The following MYO1B variants were observed in gnomAD, a reference collection of about 807,000 sequenced individuals.
MYO1B encodes the protein unconventional myosin-Ib.
Under a neutral mutation model 159.7 loss-of-function variants are expected in MYO1B, and 72 were observed. The ratio of observed to expected loss-of-function variants is 0.45; its 90% CI spans 0.37 to 0.55. The LOEUF is 0.55. Ranked by LOEUF, MYO1B falls within the 20% of genes least tolerant of loss-of-function variation. MYO1B has a pLI of 0.00. For synonymous variants in MYO1B, 468 were observed against 473.8 expected, an observed-to-expected ratio of 0.99 and a Z score of 0.16; for missense variants, 1,062 against 1,364.8, an observed-to-expected ratio of 0.78 and a Z score of 3.50.
chr2:191,402,650 C>G lies in MYO1B; in HGVS notation c.2488C>G (p.Arg830Gly), dbSNP rs1350643656. The change falls in exon 24 of 31, where the codon CGC becomes GGC. Residue 830 changes from arginine to glycine, a missense_variant. By Grantham distance (125) the Arg-to-Gly change is moderately radical (BLOSUM62 -2). Coordinates refer to ENST00000392318, the MANE Select transcript of MYO1B (RefSeq NM_001130158.3). ...ATTCTAGGCTCGAAGGGAATTGAAACGCTTGAAGGAGGAGGCTAGGCGTAA... is the reference window on the plus strand; with the variant it reads ...ATTCTAGGCTCGAAGGGAATTGAAAGGCTTGAAGGAGGAGGCTAGGCGTAA... ...LGSKARRELK[R>G]LKEEARRKHA... 1.9e-6 allele frequency: 3 copies of G among 1,613,530 alleles called. No individual in the cohort carries two copies. The African/African-American group carries it at 4.0e-5, about 22-fold the overall frequency.
intron 7 of MYO1B, among the ~76,000 whole-genome samples, chr2:191,359,730 G>T (rs1693542704): frequency 6.6e-6 from 1 of 152,100 alleles, no homozygotes; most frequent in Non-Finnish European, 1.5e-5. Flanking sequence ...CCTGATTAGG[G>T]GGACGTGAAA....
In MYO1B at chr2:191,304,743, G is replaced by A. The variant is rs566396416; in HGVS notation, c.251+8517G>A. Among the ~76,000 whole-genome samples, 112 of 152,292 alleles carry A rather than the reference G, an allele frequency of 7.4e-4. 1 individual carries two copies. The highest frequency in any genetic ancestry group is 1.7e-3 in the Admixed American group (26 of 15,306). On this transcript the variant is annotated intron_variant, in intron 3 of 30. Transcript: ENST00000392318. ...TATCATGAAAATTGTTATGATATAA[G>A]AATACATTTATTAATTGAAAAGTGT...
At position 191,360,522 on chromosome 2, in the gene MYO1B, C is replaced by T. The variant is rs1246003181; in HGVS notation, c.563-109C>T. 2.7e-5 allele frequency: 18 copies of T among 655,286 alleles called. No homozygotes were observed. In the East Asian group the frequency reaches 4.8e-4, roughly 17 times the overall value. 40.6% of individuals were successfully genotyped at this position (655,286 alleles called of 1,614,324 possible). A position where few individuals can be genotyped will look rare whatever the true frequency, so the allele number is the denominator to read the frequency against. ...GAAAATACAGCTTCCTTTATTATTT[C>T]ATTTTATTACTGCAGAATAGAAAGA... On this transcript the variant is annotated intron_variant, in intron 7 of 30. Transcript: ENST00000392318.
At chr2:191,285,807 T>G (rs545933978) in intron 2 of MYO1B, among the ~76,000 whole-genome samples, 1 of 152,128 alleles carries the variant, frequency 6.6e-6, no homozygotes, top group Non-Finnish European at 1.5e-5. Flanking sequence ...AGAGGAAATC[T>G]TCACAAACTT....
At position 191,385,851 on chromosome 2, in the gene MYO1B, A is replaced by G. The variant is rs765667641; in HGVS notation, c.1354-33A>G. The G allele has an allele frequency of 1.9e-6, 3 of 1,605,742 alleles. No homozygotes were observed. The East Asian group carries it at 6.7e-5, about 36-fold the overall frequency. ...AATTATTAAAACAATATAGTGAGGAAGGAAGGAAACTTTTTTATTTCCGTT... is the reference window on the plus strand; with the variant it reads ...AATTATTAAAACAATATAGTGAGGAGGGAAGGAAACTTTTTTATTTCCGTT... On this transcript the variant is annotated intron_variant, in intron 15 of 30. Coordinates refer to ENST00000392318, the MANE Select transcript of MYO1B (RefSeq NM_001130158.3).
chr2:191,333,529 C>T lies in MYO1B; in HGVS notation c.346+3500C>T, dbSNP rs552679841. Among the ~76,000 whole-genome samples, 11 of 152,214 alleles carry T rather than the reference C, an allele frequency of 7.2e-5. No homozygotes were observed. The South Asian group carries it at 2.1e-3, about 29-fold the overall frequency. ...GCTCTAGAATATATCTCATACCAGG[C>T]TCTCTCTTCCTTTTCTTTTTGTCCA... On this transcript the variant is annotated intron_variant, in intron 4 of 30. Transcript: ENST00000392318.
chr2:191,362,077 T>G (rs1374838531), intron 8 of MYO1B, among the ~76,000 whole-genome samples, 191 bp from the exon 9 acceptor site: 3 of 152,232 alleles, frequency 2.0e-5, no homozygotes, highest in African/African-American at 7.2e-5. Flanking sequence ...ACAGAGTTTG[T>G]GCTATCACAG....
intron 12 of MYO1B, 32 bp from the exon 13 acceptor site, chr2:191,370,195 T>C (rs771517949): frequency 2.0e-6 from 3 of 1,501,168 alleles, no homozygotes; most frequent in African/African-American, 2.8e-5. Flanking sequence ...TTTCATGCCT[T>C]AATTAACCCT....
chr2:191,409,227 G>A (rs1380834687), intron 26 of MYO1B, 49 bp downstream of exon 26: 1 of 1,570,728 alleles, frequency 6.4e-7, no homozygotes, highest in Admixed American at 1.9e-5. Flanking sequence ...TATTTATTTT[G>A]AGTGTTTAAA....
chr2:191,285,166 T>C (rs1688289953), intron 2 of MYO1B, among the ~76,000 whole-genome samples: 1 of 152,196 alleles, frequency 6.6e-6, no homozygotes, highest in Non-Finnish European at 1.5e-5. Flanking sequence ...TTTTATTAAG[T>C]CTGGAGAATG....
rs1048296036 is a variant in MYO1B, at chr2:191,315,165, A to G, written c.252-14770A>G. Among the ~76,000 whole-genome samples the G allele has an allele frequency of 6.4e-3, 960 of 149,756 alleles. 3 individuals are homozygous for G. The highest frequency in any genetic ancestry group is 0.011 in the Non-Finnish European group (743 of 66,518). ...CCTCCCACCGTCCGTCCGTCCATCC[A>G]TCCATCCATCCATCCATCCATCCAT... On this transcript the variant is annotated intron_variant, in intron 3 of 30. Coordinates refer to ENST00000392318, the MANE Select transcript of MYO1B (RefSeq NM_001130158.3).
chr2:191,298,222 C>T (rs1207654793), intron 3 of MYO1B, among the ~76,000 whole-genome samples: 1 of 152,168 alleles, frequency 6.6e-6, no homozygotes, highest in Admixed American at 6.5e-5. Flanking sequence ...ATGAATAAAT[C>T]TGCTGGTATA....
At chr2:191,338,894 A>T (rs1186667830) in intron 4 of MYO1B, among the ~76,000 whole-genome samples, 1 of 152,178 alleles carries the variant, frequency 6.6e-6, no homozygotes, top group Non-Finnish European at 1.5e-5. Flanking sequence ...GTGCATTAGT[A>T]TGTTTGTATA....
At chr2:191,321,790 C>T (rs1690733250) in intron 3 of MYO1B, among the ~76,000 whole-genome samples, 1 of 152,100 alleles carries the variant, frequency 6.6e-6, no homozygotes, top group Admixed American at 6.6e-5. Context: ...ATGTTTATTA[C>T]CTTCTCCTAC....
chr2:191,411,810 A>G (rs1697265123), intron 27 of MYO1B, among the ~76,000 whole-genome samples: 1 of 152,188 alleles, frequency 6.6e-6, no homozygotes, highest in African/African-American at 2.4e-5. Context: ...GTTTATCCCA[A>G]TAGTCTTACA....
intron 3 of MYO1B, among the ~76,000 whole-genome samples, chr2:191,306,168 T>C (rs1689640639): frequency 6.6e-6 from 1 of 152,066 alleles, no homozygotes; most frequent in African/African-American, 2.4e-5. Context: ...TCACGAGTGG[T>C]TTACTGGTTT....
At chr2:191,284,091 G>C (rs1047294186) in intron 2 of MYO1B, among the ~76,000 whole-genome samples, 9 of 152,200 alleles carry the variant, frequency 5.9e-5, no homozygotes, top group African/African-American at 1.7e-4. Flanking sequence ...TGGGAGGAAA[G>C]TATATTTCAT....
chr2:191,302,286 T>C (rs1689383777), intron 3 of MYO1B, among the ~76,000 whole-genome samples: 1 of 152,182 alleles, frequency 6.6e-6, no homozygotes, highest in Non-Finnish European at 1.5e-5. Context: ...CTTCTGTAGG[T>C]TAGAAACTTT....
chr2:191,379,007 G>T (rs1221429031), intron 13 of MYO1B, among the ~76,000 whole-genome samples: 1 of 152,108 alleles, frequency 6.6e-6, no homozygotes, highest in Non-Finnish European at 1.5e-5. Flanking sequence ...CATTATTTCA[G>T]TCAAACTGTT....
Sources: gnomAD v4.1 joint callset for allele counts (sites outside exome capture counted in the v4.1 genomes callset) on GRCh38, gnomAD v4.1.1 for gene constraint, MANE v1.5 for transcripts, NCBI Gene and HGNC (gene_info 2026-07-23, HGNC 2026-07-21) for gene names.